The following TRAPPC9 variants were observed in gnomAD, a reference collection of about 807,000 sequenced individuals.
TRAPPC9 encodes trafficking protein particle complex subunit 9.
TRAPPC9 carries 83 observed loss-of-function variants against 124.0 expected under a neutral mutation model. That is an observed-to-expected ratio of 0.67 (90% CI 0.56 to 0.80). The LOEUF (loss-of-function observed/expected upper bound fraction) is 0.80. TRAPPC9 is among the 30% of genes least tolerant of loss of function. The pLI, the probability that TRAPPC9 is intolerant of heterozygous loss-of-function variation, is 0.00. For missense variants in TRAPPC9, 1,302 were observed against 1,508.3 expected, an observed-to-expected ratio of 0.86 and a Z score of 2.27; for synonymous variants, 638 against 617.5, an observed-to-expected ratio of 1.03 and a Z score of -0.49.
chr8:140,324,643 G>A (rs2066691349), intron 9 of TRAPPC9, among the ~76,000 whole-genome samples: 1 of 152,046 alleles, frequency 6.6e-6, no homozygotes, highest in South Asian at 2.1e-4. Context: ...GGTAGTACGT[G>A]CCCATGGGCC....
At chr8:139,841,440 C>T (rs971649390) in intron 21 of TRAPPC9, among the ~76,000 whole-genome samples, 3 of 152,202 alleles carry the variant, frequency 2.0e-5, no homozygotes, top group East Asian at 1.9e-4. Flanking sequence ...CTCACTGCTG[C>T]GCTGTTTCTT....
chr8:140,113,902 T>C (rs905335223), intron 17 of TRAPPC9, among the ~76,000 whole-genome samples: 22 of 152,168 alleles, frequency 1.4e-4, no homozygotes, highest in Non-Finnish European at 2.9e-4. Context: ...TCAAAGCCTG[T>C]GAAGCTGCAC....
intron 2 of TRAPPC9, among the ~76,000 whole-genome samples, chr8:140,446,443 A>G (rs189013740): frequency 6.6e-6 from 1 of 152,344 alleles, no homozygotes; most frequent in East Asian, 1.9e-4. Flanking sequence ...GGTCACTTAT[A>G]CAGGGCCTTG....
chr8:140,312,199 G>C (rs117333517), intron 9 of TRAPPC9, among the ~76,000 whole-genome samples: 4,942 of 152,342 alleles, frequency 0.032, 119 homozygotes, highest in South Asian at 0.047. Flanking sequence ...GGGATTATGG[G>C]AGGGGTGTGA....
intron 5 of TRAPPC9, among the ~76,000 whole-genome samples, chr8:140,419,448 A>AAAAACAAAAC (rs1554683876): frequency 2.2e-4 from 21 of 94,816 alleles, no homozygotes; most frequent in South Asian, 8.3e-4. Flanking sequence ...AAAAAAAAAA[A>AAAAACAAAAC]AAAACAAAAC....
At chr8:140,117,352 T>C (rs373125195) in intron 17 of TRAPPC9, among the ~76,000 whole-genome samples, 2 of 152,162 alleles carry the variant, frequency 1.3e-5, no homozygotes, top group Non-Finnish European at 2.9e-5. Context: ...AATAAGGTAA[T>C]TTATAAGGAG....
At chr8:139,781,632 T>A (rs774261165) in intron 21 of TRAPPC9, among the ~76,000 whole-genome samples, 1 of 152,238 alleles carries the variant, frequency 6.6e-6, no homozygotes, top group South Asian at 2.1e-4. Flanking sequence ...TCGGTTGATA[T>A]TGATGTGTTA....
At chr8:139,981,992 C>A (rs1836932636) in intron 19 of TRAPPC9, among the ~76,000 whole-genome samples, 1 of 152,164 alleles carries the variant, frequency 6.6e-6, no homozygotes, top group African/African-American at 2.4e-5. Flanking sequence ...AGCCGGGCAT[C>A]TTAAAGCATG....
chr8:140,109,964 C>T (rs539405354), intron 17 of TRAPPC9, among the ~76,000 whole-genome samples: 1 of 152,206 alleles, frequency 6.6e-6, no homozygotes, highest in East Asian at 1.9e-4. Context: ...TCTGTATGCT[C>T]CTCCTGATTT....
chr8:139,991,044 C>G (rs1017942225), intron 18 of TRAPPC9, among the ~76,000 whole-genome samples: 1 of 152,190 alleles, frequency 6.6e-6, no homozygotes, highest in African/African-American at 2.4e-5. Context: ...CAGCTGCCTA[C>G]AAGAGGCCTC....
At position 139,782,808 on chromosome 8, in the gene TRAPPC9, G is replaced by A. The variant is rs1379910965; in HGVS notation, c.3056-50606C>T. 2.6e-5 allele frequency among the ~76,000 whole-genome samples: 4 copies of A among 152,270 alleles called. No individual in the cohort carries two copies. In the East Asian group the frequency reaches 7.7e-4, roughly 29 times the overall value. ...ATTTATCAATATAGACCATATTCTT[G>A]ACTAGAAGTTTAAAAGGATTCAAGT... is the stretch of plus-strand genomic sequence containing the variant. On this transcript the variant is annotated intron_variant, in intron 21 of 22. Coordinates refer to ENST00000438773, the MANE Select transcript of TRAPPC9 (RefSeq NM_001160372.4).
Position 140,311,274 on chromosome 8 carries a change from C to T in TRAPPC9, c.1596G>A (p.Val532=). The T allele has an allele frequency of 6.2e-7, 1 of 1,612,776 alleles. No individual in the cohort carries two copies. The highest frequency in any genetic ancestry group is 1.1e-5 in the South Asian group (1 of 91,082). Residue 532 remains valine (V), a synonymous_variant, in exon 10 of 23, where the codon GTG becomes GTA. Transcript: ENST00000438773. The part of the protein sequence containing the change: ...ALPGGLTLPP[V]PFTKLPIVRH... ...TGACGATGGGAAGCTTGGTGAAGGG[C>T]ACCGGTGGCAGGGTGAGGCCGCCAG...
Position 140,423,355 on chromosome 8 carries a change from G to A in TRAPPC9, c.886+3260C>T, listed in dbSNP as rs190705554. Among the ~76,000 whole-genome samples, 6 of 151,994 alleles carry A rather than the reference G, an allele frequency of 3.9e-5. No individual in the cohort carries two copies. In the South Asian group the frequency reaches 8.3e-4, roughly 21 times the overall value. ...TTTGGGAGGCTGAAGCAGGAGAATC[G>A]CTTGAACCCAGGAGGCGGAGGTTGC... On this transcript the variant is annotated intron_variant, in intron 5 of 22. Transcript: ENST00000438773.
chr8:140,406,479 G>A (rs2069493859), intron 5 of TRAPPC9, among the ~76,000 whole-genome samples: 1 of 152,170 alleles, frequency 6.6e-6, no homozygotes, highest in African/African-American at 2.4e-5. Context: ...CCACCCATCT[G>A]TATAACCTCA....
At chr8:139,945,543 C>CAAAAAAAAAA (rs61528944) in intron 19 of TRAPPC9, among the ~76,000 whole-genome samples, 32 of 66,170 alleles carry the variant, frequency 4.8e-4, no homozygotes, top group African/African-American at 9.0e-4. Flanking sequence ...GCACAATTAG[C>CAAAAAAAAAA]AAAAAAAAAA....
chr8:140,418,318 C>T (rs986625693), intron 5 of TRAPPC9, among the ~76,000 whole-genome samples: 1 of 151,708 alleles, frequency 6.6e-6, no homozygotes, highest in South Asian at 2.1e-4. Context: ...TTCCAGAAAA[C>T]ATAAGAGGAA....
At chr8:139,882,167 T>C (rs540734471) in intron 21 of TRAPPC9, among the ~76,000 whole-genome samples, 38 of 152,216 alleles carry the variant, frequency 2.5e-4, no homozygotes, top group Non-Finnish European at 4.7e-4. Context: ...GAAGTGATTA[T>C]AATAAATCAT....
intron 15 of TRAPPC9, among the ~76,000 whole-genome samples, chr8:140,264,632 G>T (rs13264866): frequency 0.064 from 9,715 of 151,046 alleles, 415 homozygotes; most frequent in Non-Finnish European, 0.093. Flanking sequence ...GAGAGCGGAG[G>T]GGGAGGGCAG....
rs550453104 is a variant in TRAPPC9, at chr8:140,010,998, G to A, written c.2699+12939C>T. ...TGTGGAAAGATGATCAACATGTATC[G>A]TATTTTTTTAATTTGCAAAAGATTA... On this transcript the variant is annotated intron_variant, in intron 18 of 22. Transcript: ENST00000438773. 2.0e-5 allele frequency among the ~76,000 whole-genome samples: 3 copies of A among 152,204 alleles called. No homozygotes were observed. In the East Asian group the frequency reaches 5.8e-4, roughly 29 times the overall value.
Sources: allele counts gnomAD v4.1 joint callset (sites outside exome capture counted in the v4.1 genomes callset), GRCh38; gene constraint gnomAD v4.1.1; transcripts MANE v1.5; gene names NCBI Gene and HGNC (gene_info 2026-07-23, HGNC 2026-07-21).